Variants in ABL2 observed in about 807,000 individuals in gnomAD.
The protein encoded by ABL2 is tyrosine-protein kinase ABL2.
A neutral mutation model predicts 107.7 loss-of-function variants in ABL2; 49 were observed. The ratio of observed to expected loss-of-function variants is 0.45; its 90% CI spans 0.36 to 0.58. ABL2 has a LOEUF of 0.58. Among genes scored for constraint, ABL2 ranks in the 20% least tolerant of loss-of-function variants. The probability of loss-of-function intolerance (pLI) is 0.00; values close to 1 mark genes in which losing one functional copy is unlikely to be tolerated. For missense variants in ABL2, 1,245 were observed against 1,457.0 expected, an observed-to-expected ratio of 0.85 and a Z score of 2.37; for synonymous variants, 549 against 548.6, an observed-to-expected ratio of 1.00 and a Z score of -0.01.
intron 1 of ABL2, among the ~76,000 whole-genome samples, chr1:179,178,664 T>C (rs1340319691): frequency 6.6e-6 from 1 of 151,900 alleles, no homozygotes; most frequent in African/African-American, 2.4e-5. Flanking sequence ...CCAAGGCAGG[T>C]GGATCACTTG....
At chr1:179,204,412 C>T (rs995766575) in intron 1 of ABL2, among the ~76,000 whole-genome samples, 15 of 152,036 alleles carry the variant, frequency 9.9e-5, no homozygotes, top group African/African-American at 3.6e-4. Flanking sequence ...GTGAAAGTTC[C>T]CTCCGCATCT....
chr1:179,099,760 A>G lies in ABL2; in HGVS notation c.*7958T>C, dbSNP rs1172890650. The G allele has an allele frequency of 1.7e-5, 4 of 230,970 alleles. No individual in the cohort carries two copies. Among genetic ancestry groups the G allele is most frequent in the Non-Finnish European group, 2.6e-5 (3 of 116,704 alleles). The allele number at this position is 230,970 out of a possible 1,614,324, so 14.3% of individuals were successfully genotyped here. On this transcript the variant is annotated 3_prime_UTR_variant, in exon 12 of 12. Transcript: ENST00000502732. ...TGGGGACAAAGTTCTGTCAACCACC[A>G]TGAAATGTTTAAACTTATTTTTACT...
At chr1:179,122,300 T>C (rs909527444) in intron 4 of ABL2, among the ~76,000 whole-genome samples, 2 of 127,672 alleles carry the variant, frequency 1.6e-5, no homozygotes, top group African/African-American at 6.0e-5. Context: ...AAAAAAAAAA[T>C]ATTCTGCAGA....
Position 179,108,964 on chromosome 1 carries a change from G to A in ABL2, c.2303C>T (p.Pro768Leu). Residue 768 changes from proline (P) to leucine (L), a missense_variant, in exon 12 of 12, where the codon CCC becomes CTC. Around this residue, in one of 3 missense-constraint regions of ABL2, gnomAD observed 761 missense variants for 766.4 expected, o/e 0.99. Coordinates refer to ENST00000502732, the MANE Select transcript of ABL2 (RefSeq NM_007314.4). ...KKTLGLRAGK[P>L]TASDDTSKPF... The stretch of plus-strand genomic sequence containing the variant: ...CTTGGAAGTGTCATCACTGGCTGTG[G>A]GTTTACCTGCTCGTAAGCCCAGTGT... The A allele has an allele frequency of 6.2e-7, 1 of 1,614,070 alleles. No individual in the cohort carries two copies. Among genetic ancestry groups the A allele is most frequent in the Non-Finnish European group, 8.5e-7 (1 of 1,180,022 alleles).
chr1:179,182,868 T>C (rs1344755214), intron 1 of ABL2, among the ~76,000 whole-genome samples: 2 of 152,200 alleles, frequency 1.3e-5, no homozygotes, highest in Non-Finnish European at 2.9e-5. Flanking sequence ...TTTGGCTTTG[T>C]AGGATATCTG....
At chr1:179,170,957 C>G (rs577694899) in intron 1 of ABL2, among the ~76,000 whole-genome samples, 3 of 152,268 alleles carry the variant, frequency 2.0e-5, no homozygotes, top group Admixed American at 1.3e-4. Context: ...CTCTCAAACT[C>G]CTGACCAAAA....
At chr1:179,163,014 T>C (rs1659162737) in intron 1 of ABL2, among the ~76,000 whole-genome samples, 1 of 152,150 alleles carries the variant, frequency 6.6e-6, no homozygotes, top group Non-Finnish European at 1.5e-5. Flanking sequence ...AACATTACTG[T>C]TGGTACAAAG....
At chr1:179,119,585 TA>T (rs1654988571) in intron 6 of ABL2, among the ~76,000 whole-genome samples, 1 of 151,386 alleles carries the variant, frequency 6.6e-6, no homozygotes, top group Non-Finnish European at 1.5e-5. Flanking sequence ...GGCCCTATTT[TA>T]AAAAAGGAAA....
chr1:179,124,158 G>A (rs560938920), intron 4 of ABL2, among the ~76,000 whole-genome samples: 20 of 151,566 alleles, frequency 1.3e-4, no homozygotes, highest in Admixed American at 9.2e-4. Context: ...GGAGAACGGC[G>A]TGAACCTGGG....
rs774791259 is a variant in ABL2, at chr1:179,193,362, C to CT, written c.157+35878dup. Among the ~76,000 whole-genome samples the CT allele has an allele frequency of 7.1e-3, 1,008 of 142,256 alleles. 12 individuals carry two copies. The highest frequency in any genetic ancestry group is 0.019 in the African/African-American group (729 of 39,080). 93.3% of individuals were successfully genotyped at this position (142,256 alleles called of 152,430 possible). A position where few individuals can be genotyped will look rare whatever the true frequency, so the allele number is the denominator to read the frequency against. On this transcript the variant is annotated intron_variant, in intron 1 of 11. Coordinates refer to ENST00000502732, the MANE Select transcript of ABL2 (RefSeq NM_007314.4). ...AACTCAAACCAGCCCTAAATGTCTG[C>CT]TTTTTTTTTTTTCAGGTAAGCAAGT...
intron 1 of ABL2, among the ~76,000 whole-genome samples, chr1:179,214,519 C>CATATAT (rs59744061): frequency 0.072 from 8,771 of 121,678 alleles, 392 homozygotes; most frequent in Non-Finnish European, 0.093. Context: ...TTTAAAATGA[C>CATATAT]ATATATATAT....
At chr1:179,147,301 T>C (rs550691823) in intron 1 of ABL2, among the ~76,000 whole-genome samples, 1 of 148,814 alleles carries the variant, frequency 6.7e-6, no homozygotes, top group Admixed American at 6.8e-5. Context: ...AAAAACAGTA[T>C]AGAAATTTCT....
At chr1:179,201,575 A>G in intron 1 of ABL2, 1 of 374,314 alleles carries the variant, frequency 2.7e-6, no homozygotes, top group South Asian at 2.7e-5. Context: ...TGCCTAAGGC[A>G]TTTGGGGAAC....
chr1:179,116,141 A>C (rs1176846205), intron 8 of ABL2, among the ~76,000 whole-genome samples: 2 of 152,242 alleles, frequency 1.3e-5, no homozygotes, highest in African/African-American at 4.8e-5. Flanking sequence ...TGGGAGGCCA[A>C]GGCAGGTGGA....
In ABL2 at chr1:179,185,858, C is replaced by T. The variant is rs889065293; in HGVS notation, c.157+43383G>A. On this transcript the variant is annotated intron_variant, in intron 1 of 11. Coordinates refer to ENST00000502732, the MANE Select transcript of ABL2 (RefSeq NM_007314.4). ...TTAATTTAAAAAATTACCTTCTAAACCATTAACTTGAAATACTTAATAGCT... is the reference window on the plus strand; with the variant it reads ...TTAATTTAAAAAATTACCTTCTAAATCATTAACTTGAAATACTTAATAGCT... Among the ~76,000 whole-genome samples the T allele has an allele frequency of 2.6e-5, 4 of 152,046 alleles. No homozygotes were observed. The East Asian group carries it at 5.8e-4, about 22-fold the overall frequency.
At chr1:179,110,783 A>G (rs1423804990) in intron 10 of ABL2, 1 of 1,613,956 alleles carries the variant, frequency 6.2e-7, no homozygotes, top group Admixed American at 1.7e-5. Context: ...TGCTAGCATC[A>G]TCCTGCTCTG....
intron 4 of ABL2, among the ~76,000 whole-genome samples, chr1:179,122,381 A>G (rs1655305803): frequency 6.6e-6 from 1 of 151,786 alleles, no homozygotes; most frequent in South Asian, 2.1e-4. Flanking sequence ...GGGCCTCCCA[A>G]GGTGCTGAGA....
At chr1:179,129,789 T>TC (rs1656109778) in intron 3 of ABL2, among the ~76,000 whole-genome samples, 1 of 152,020 alleles carries the variant, frequency 6.6e-6, no homozygotes, top group Non-Finnish European at 1.5e-5. Context: ...ATAACATGTA[T>TC]CATCCTGTCC....
At chr1:179,211,421 C>T (rs1380131985) in intron 1 of ABL2, among the ~76,000 whole-genome samples, 1 of 151,914 alleles carries the variant, frequency 6.6e-6, no homozygotes, top group Non-Finnish European at 1.5e-5. Context: ...ATTCAGGGGG[C>T]TGAGGTGGGA....
Sources: allele counts gnomAD v4.1 joint callset (sites outside exome capture counted in the v4.1 genomes callset), GRCh38; gene constraint gnomAD v4.1.1; regional missense constraint gnomAD v4.1.1; transcripts MANE v1.5; gene names NCBI Gene and HGNC (gene_info 2026-07-23, HGNC 2026-07-21).